Variants in EYS observed in about 807,000 individuals in gnomAD.
EYS encodes the protein protein eyes shut homolog.
A neutral mutation model predicts 282.1 loss-of-function variants in EYS; 250 were observed. The observed-to-expected ratio is 0.89, with a 90% CI of 0.80 to 0.98. EYS has a LOEUF of 0.98. EYS is among the 50% of genes least tolerant of loss of function. EYS has a pLI of 0.00. For synonymous variants in EYS, 1,355 were observed against 1,282.9 expected (o/e 1.06, Z -1.20); for missense variants, 4,016 against 3,709.0 (o/e 1.08, Z -2.15).
At chr6:64,360,293 C>G (rs1164810541) in intron 29 of EYS, among the ~76,000 whole-genome samples, 1 of 151,666 alleles carries the variant, frequency 6.6e-6, no homozygotes, top group Non-Finnish European at 1.5e-5. Context: ...AAAATTCTAA[C>G]TTCACATATT....
chr6:64,740,660 G>A (rs534551865), intron 22 of EYS, among the ~76,000 whole-genome samples: 1 of 151,284 alleles, frequency 6.6e-6, no homozygotes, highest in East Asian at 1.9e-4. Flanking sequence ...TCATTGCACA[G>A]TAACTTTGAA....
intron 30 of EYS, among the ~76,000 whole-genome samples, chr6:64,291,845 G>T (rs1277681840): frequency 6.6e-6 from 1 of 152,020 alleles, no homozygotes; most frequent in Non-Finnish European, 1.5e-5. Flanking sequence ...CTTCTTAGAA[G>T]ATTATTCTTG....
chr6:64,101,273 G>A (rs1156842970), intron 31 of EYS, among the ~76,000 whole-genome samples: 1 of 151,974 alleles, frequency 6.6e-6, no homozygotes, highest in African/African-American at 2.4e-5. Context: ...GAATCCCAGT[G>A]CTATATTTTG....
chr6:65,299,597 C>T (rs1768759868), intron 11 of EYS, among the ~76,000 whole-genome samples: 2 of 140,252 alleles, frequency 1.4e-5, no homozygotes, highest in Middle Eastern at 3.7e-3. Flanking sequence ...TTTATATTTT[C>T]ATCAAATACT....
chr6:64,615,274 A>C (rs1056251421), intron 24 of EYS, among the ~76,000 whole-genome samples: 2 of 152,044 alleles, frequency 1.3e-5, no homozygotes, highest in African/African-American at 4.8e-5. Context: ...GAAGTTTCAC[A>C]TTTCCCCATG....
chr6:64,130,411 A>G (rs1461812112), intron 31 of EYS, among the ~76,000 whole-genome samples: 1 of 152,134 alleles, frequency 6.6e-6, no homozygotes, highest in African/African-American at 2.4e-5. Flanking sequence ...GTTCTCACTC[A>G]TAGGTGAGAA....
rs182307595 is a variant in EYS, at chr6:64,624,429, A to G, written c.3568+1692T>C. On this transcript the variant is annotated intron_variant, in intron 23 of 42. Coordinates refer to ENST00000503581, the MANE Select transcript of EYS (RefSeq NM_001142800.2). ...TTATGCTAGCTACCATAGAGTATGA[A>G]GTGTTTGTGGGCACAATAAAGATAT... Among the ~76,000 whole-genome samples the G allele has an allele frequency of 3.3e-5, 5 of 152,308 alleles. No individual in the cohort carries two copies. In the East Asian group the frequency reaches 9.6e-4, roughly 29 times the overall value.
intron 28 of EYS, among the ~76,000 whole-genome samples, chr6:64,421,784 G>A (rs1268126178): frequency 6.6e-6 from 1 of 152,018 alleles, no homozygotes; most frequent in African/African-American, 2.4e-5. Context: ...GCTGATTAGT[G>A]TTTTCAAATA....
chr6:64,634,792 C>G (rs527899302), intron 22 of EYS, among the ~76,000 whole-genome samples: 1 of 152,244 alleles, frequency 6.6e-6, no homozygotes, highest in African/African-American at 2.4e-5. Context: ...TAATTTTTCT[C>G]TTCTATATTC....
chr6:64,818,429 A>G (rs1764803898), intron 21 of EYS, among the ~76,000 whole-genome samples: 1 of 152,158 alleles, frequency 6.6e-6, no homozygotes, highest in Non-Finnish European at 1.5e-5. Flanking sequence ...GTATATGTGA[A>G]AGGGAGTTTA....
Position 64,325,690 on chromosome 6 carries a change from A to T in EYS, c.6079-18608T>A, listed in dbSNP as rs571901608. Among the ~76,000 whole-genome samples, 4 of 152,296 alleles carry T rather than the reference A, an allele frequency of 2.6e-5. 1 individual carries two copies. The South Asian group carries it at 6.2e-4, about 24-fold the overall frequency. On this transcript the variant is annotated intron_variant, in intron 29 of 42. Coordinates refer to ENST00000503581, the MANE Select transcript of EYS (RefSeq NM_001142800.2). ...AACAATACAAGAAGTGAAGGGAGAA[A>T]TATTCAGGGAAATAGATAGCATAAA...
chr6:65,498,662 A>T (rs953035423), intron 2 of EYS, among the ~76,000 whole-genome samples: 4 of 150,206 alleles, frequency 2.7e-5, no homozygotes, highest in Non-Finnish European at 4.5e-5. Context: ...CAGCAAAGGA[A>T]AAAAAACACT....
intron 12 of EYS, among the ~76,000 whole-genome samples, chr6:65,061,742 C>A (rs1773581217): frequency 6.6e-6 from 1 of 151,890 alleles, no homozygotes. Context: ...TTACTTCCAT[C>A]ATATTCCTCA....
chr6:64,163,291 T>C (rs1775164904), intron 31 of EYS, among the ~76,000 whole-genome samples: 1 of 152,112 alleles, frequency 6.6e-6, no homozygotes, highest in African/African-American at 2.4e-5. Flanking sequence ...ACAAAAATTA[T>C]TAGCTCTTAT....
chr6:65,532,992 T>A (rs1274132040), intron 2 of EYS, among the ~76,000 whole-genome samples: 1 of 152,076 alleles, frequency 6.6e-6, no homozygotes, highest in Non-Finnish European at 1.5e-5. Flanking sequence ...CAATTGTCGA[T>A]TTTATAGATT....
chr6:65,495,891 C>G lies in EYS; in HGVS notation c.-230G>C. ...TTTTGTGTTTTCTCTTTACACCAAGCTTCAATCTAATCAAAACACAGCACA... is the reference window on the plus strand; with the variant it reads ...TTTTGTGTTTTCTCTTTACACCAAGGTTCAATCTAATCAAAACACAGCACA... On this transcript the variant is annotated 5_prime_UTR_variant, in exon 3 of 43. Coordinates refer to ENST00000503581, the MANE Select transcript of EYS (RefSeq NM_001142800.2). 1 of 166,050 alleles carries G rather than the reference C, an allele frequency of 6.0e-6. No homozygotes were observed. The highest frequency in any genetic ancestry group is 1.5e-4 in the South Asian group (1 of 6,694). 10.3% of individuals were successfully genotyped at this position (166,050 alleles called of 1,614,324 possible).
chr6:64,115,674 C>T (rs1190016389), intron 31 of EYS, among the ~76,000 whole-genome samples: 1 of 152,120 alleles, frequency 6.6e-6, no homozygotes, highest in African/African-American at 2.4e-5. Context: ...GTCCTCACAT[C>T]CACCCATAGG....
intron 12 of EYS, among the ~76,000 whole-genome samples, chr6:65,169,452 A>G (rs1262753798): frequency 1.3e-5 from 2 of 151,476 alleles, no homozygotes; most frequent in East Asian, 2.0e-4. Flanking sequence ...ATTACGTTCT[A>G]TTTTTAAATG....
At chr6:64,072,661 G>C (rs1771631979) in intron 32 of EYS, among the ~76,000 whole-genome samples, 1 of 151,686 alleles carries the variant, frequency 6.6e-6, no homozygotes, top group South Asian at 2.1e-4. Flanking sequence ...TTGTTGACTT[G>C]TTCTCCACTC....
Sources: gnomAD v4.1 joint callset for allele counts (sites outside exome capture counted in the v4.1 genomes callset) on GRCh38, gnomAD v4.1.1 for gene constraint, MANE v1.5 for transcripts, NCBI Gene and HGNC (gene_info 2026-07-23, HGNC 2026-07-21) for gene names.